PANK3: variants seen among roughly 807,000 people sequenced by gnomAD.
PANK3 encodes the protein hPanK3.
A neutral mutation model predicts 39.4 loss-of-function variants in PANK3; 20 were observed. That is an observed-to-expected ratio of 0.51 (90% CI 0.36 to 0.74). PANK3 has a LOEUF of 0.74. Ranked by LOEUF, PANK3 falls within the 30% of genes least tolerant of loss-of-function variation. The probability of loss-of-function intolerance (pLI) is 0.00; values close to 1 mark genes in which losing one functional copy is unlikely to be tolerated. For synonymous variants in PANK3, 140 were observed against 157.3 expected, an observed-to-expected ratio of 0.89 and a Z score of 0.82; for missense variants, 265 against 437.0, an observed-to-expected ratio of 0.61 and a Z score of 3.51.
intron 1 of PANK3, among the ~76,000 whole-genome samples, chr5:168,571,518 T>C (rs1759630134): frequency 6.6e-6 from 1 of 152,190 alleles, no homozygotes. Flanking sequence ...TTCTCTAGGA[T>C]CTTAACTATT....
At position 168,559,211 on chromosome 5, in the gene PANK3, A is replaced by G. The variant is rs149578818; in HGVS notation, c.937-54T>C. 8.7e-5 allele frequency: 103 copies of G among 1,179,560 alleles called. No homozygotes were observed. The East Asian group carries it at 2.6e-3, about 30-fold the overall frequency. 73.1% of individuals were successfully genotyped at this position (1,179,560 alleles called of 1,614,324 possible). A position where few individuals can be genotyped will look rare whatever the true frequency, so the allele number is the denominator to read the frequency against. On this transcript the variant is annotated intron_variant, in intron 5 of 6. Transcript: ENST00000239231. ...GTAAAAATAATAGATTTTACAATAT[A>G]AAAGGTTTCTAAATATTTATTTAAA...
At chr5:168,560,192 A>G (rs1390781198) in intron 5 of PANK3, among the ~76,000 whole-genome samples, 2 of 152,216 alleles carry the variant, frequency 1.3e-5, no homozygotes, top group Non-Finnish European at 1.5e-5. Flanking sequence ...TAGTAACTCC[A>G]TCAACCAACT....
rs1554125712 is a variant in PANK3 at position 168,565,868 on chromosome 5, A to ATATAT, written c.635+144_635+145insATATA. ...CACCCTCTTTCACTTAAAAAAAAAA[A>ATATAT]ATATATATATATATATATTTTTTTT... On this transcript the variant is annotated intron_variant, in intron 3 of 6. Transcript: ENST00000239231. The ATATAT allele has an allele frequency of 3.1e-3, 404 of 131,932 alleles. 4 individuals carry two copies. The highest frequency in any genetic ancestry group is 0.013 in the South Asian group (44 of 3,426). 8.2% of individuals were successfully genotyped at this position (131,932 alleles called of 1,614,324 possible). A position where few individuals can be genotyped will look rare whatever the true frequency, so the allele number is the denominator to read the frequency against.
At chr5:168,559,486 CTGTG>C (rs979689194) in intron 5 of PANK3, among the ~76,000 whole-genome samples, 35 of 152,096 alleles carry the variant, frequency 2.3e-4, no homozygotes, top group Admixed American at 1.9e-3. Context: ...TGGAAGTGGG[CTGTG>C]TGTGTATGGA....
At chr5:168,571,075 T>C (rs1759622774) in intron 1 of PANK3, among the ~76,000 whole-genome samples, 1 of 152,182 alleles carries the variant, frequency 6.6e-6, no homozygotes, top group Admixed American at 6.5e-5. Flanking sequence ...TTCGGAAGAT[T>C]ATACTATAGT....
chr5:168,567,048 T>C (rs1472098946), intron 2 of PANK3, among the ~76,000 whole-genome samples: 1 of 152,230 alleles, frequency 6.6e-6, no homozygotes, highest in African/African-American at 2.4e-5. Flanking sequence ...CCAACCCACG[T>C]AGTTTTAAAT....
intron 1 of PANK3, among the ~76,000 whole-genome samples, chr5:168,573,820 A>G (rs1759687678): frequency 6.6e-6 from 1 of 151,826 alleles, no homozygotes; most frequent in African/African-American, 2.4e-5. Context: ...TTCCAATTTC[A>G]TCCATGCCCC....
At chr5:168,563,559 T>A (rs73802348) in intron 4 of PANK3, among the ~76,000 whole-genome samples, 1 of 151,524 alleles carries the variant, frequency 6.6e-6, no homozygotes, top group Non-Finnish European at 1.5e-5. Context: ...AAGATTTCTA[T>A]ATGGATACTT....
Position 168,557,556 on chromosome 5 carries a change from G to C in PANK3, c.*15C>G. Reference sequence around the variant, plus strand: ...CTTGGATGACATTTATTAGCAGAGAGAGAGACCTGATGCTTTAGCTGAAAT... The same window carrying C: ...CTTGGATGACATTTATTAGCAGAGACAGAGACCTGATGCTTTAGCTGAAAT... On this transcript the variant is annotated 3_prime_UTR_variant, in exon 7 of 7. Coordinates refer to ENST00000239231, the MANE Select transcript of PANK3 (RefSeq NM_024594.4). 1 of 1,610,436 alleles carries C rather than the reference G, an allele frequency of 6.2e-7. No individual in the cohort carries two copies. The highest frequency in any genetic ancestry group is 8.5e-7 in the Non-Finnish European group (1 of 1,176,858).
intron 1 of PANK3, among the ~76,000 whole-genome samples, chr5:168,572,760 T>C (rs962122556): frequency 6.6e-6 from 1 of 152,118 alleles, no homozygotes; most frequent in Non-Finnish European, 1.5e-5. Flanking sequence ...CCTGTCTTCT[T>C]ATATTAATAA....
intron 6 of PANK3, among the ~76,000 whole-genome samples, chr5:168,558,796 G>C (rs1561839212): frequency 6.6e-6 from 1 of 152,160 alleles, no homozygotes; most frequent in Admixed American, 6.5e-5. Flanking sequence ...GGGCAACAAA[G>C]AGTGATCCTG....
intron 5 of PANK3, among the ~76,000 whole-genome samples, chr5:168,559,806 G>A (rs1472513474): frequency 1.3e-5 from 2 of 152,112 alleles, no homozygotes; most frequent in Admixed American, 6.5e-5. Context: ...TGCAACTGTG[G>A]ATTCTACAGA....
chr5:168,566,840 T>A (rs1759543135), intron 2 of PANK3, among the ~76,000 whole-genome samples: 1 of 151,998 alleles, frequency 6.6e-6, no homozygotes, highest in South Asian at 2.1e-4. Flanking sequence ...ACCTCGTGGG[T>A]TCAAGCGATT....
At chr5:168,572,913 A>G (rs1759664445) in intron 1 of PANK3, among the ~76,000 whole-genome samples, 1 of 152,128 alleles carries the variant, frequency 6.6e-6, no homozygotes, top group African/African-American at 2.4e-5. Flanking sequence ...GAGAGATTCA[A>G]CTGAAGAAAG....
rs772324108 is a variant in PANK3 at position 168,568,718 on chromosome 5, G to A, written c.309C>T (p.Asn103=). The change falls in exon 2 of 7, where the codon AAC becomes AAT. Residue 103 remains asparagine (N), a synonymous_variant. Transcript: ENST00000239231. The part of the protein sequence containing the change: ...PTFIQMGRDK[N]FSTLQTVLCA... ...ATAGCACCGTCTGCAATGTTGAGAA[G>A]TTTTTATCTCTTCCCATTTGGATAA... The A allele has an allele frequency of 6.2e-7, 1 of 1,614,106 alleles. No homozygotes were observed. The highest frequency in any genetic ancestry group is 8.5e-7 in the Non-Finnish European group (1 of 1,180,006).
At chr5:168,570,754 A>G (rs543686705) in intron 1 of PANK3, among the ~76,000 whole-genome samples, 1 of 152,244 alleles carries the variant, frequency 6.6e-6, no homozygotes, top group South Asian at 2.1e-4. Flanking sequence ...TGAACTTTTT[A>G]GACAACGGGA....
At position 168,551,407 on chromosome 5, in the gene PANK3, T is replaced by C. The variant is rs1281413662; in HGVS notation, c.*6164A>G. ...TTAAATTCAAAATAATGTACACTCATTTTCATTATCCTCTATCAGTTTTCA... is the reference window on the plus strand; with the variant it reads ...TTAAATTCAAAATAATGTACACTCACTTTCATTATCCTCTATCAGTTTTCA... On this transcript the variant is annotated 3_prime_UTR_variant, in exon 7 of 7. Transcript: ENST00000239231. The C allele has an allele frequency of 6.6e-6, 1 of 152,212 alleles. No homozygotes were observed. The highest frequency in any genetic ancestry group is 6.5e-5 in the Admixed American group (1 of 15,278). 9.4% of individuals were successfully genotyped at this position (152,212 alleles called of 1,614,324 possible). A position where few individuals can be genotyped will look rare whatever the true frequency, so the allele number is the denominator to read the frequency against.
In PANK3 at chr5:168,557,455, C is replaced by A; in HGVS notation, c.*116G>T. On this transcript the variant is annotated 3_prime_UTR_variant, in exon 7 of 7. Transcript: ENST00000239231. Reference sequence around the variant, plus strand: ...TCTCCTTTAATATGGCAACATTCAGCAGCTTATGCTACTCTTTTATCCTTT... The same window carrying A: ...TCTCCTTTAATATGGCAACATTCAGAAGCTTATGCTACTCTTTTATCCTTT... 3 of 853,942 alleles carry A rather than the reference C, an allele frequency of 3.5e-6. No homozygotes were observed. In the South Asian group the frequency reaches 5.0e-5, roughly 14 times the overall value. 52.9% of individuals were successfully genotyped at this position (853,942 alleles called of 1,614,324 possible).
At position 168,554,310 on chromosome 5, in the gene PANK3, T is replaced by C. The variant is rs1345069574; in HGVS notation, c.*3261A>G. 2.0e-5 allele frequency: 3 copies of C among 152,236 alleles called. No individual in the cohort carries two copies. Among genetic ancestry groups the C allele is most frequent in the Admixed American group, 6.5e-5 (1 of 15,284 alleles). The allele number at this position is 152,236 out of a possible 1,614,324, so 9.4% of individuals were successfully genotyped here. A position where few individuals can be genotyped will look rare whatever the true frequency, so the allele number is the denominator to read the frequency against. On this transcript the variant is annotated 3_prime_UTR_variant, in exon 7 of 7. Transcript: ENST00000239231. ...GATGTACTTTAAAGAGCTTAAAAAA[T>C]TGTTTACATTACACAAGGTAAGTAT...
Sources: gnomAD v4.1 joint callset for allele counts (sites outside exome capture counted in the v4.1 genomes callset) on GRCh38, gnomAD v4.1.1 for gene constraint, MANE v1.5 for transcripts, NCBI Gene and HGNC (gene_info 2026-07-23, HGNC 2026-07-21) for gene names.